Variants in ZFHX3 observed in about 807,000 individuals in gnomAD.
The protein encoded by ZFHX3 is zinc finger homeobox protein 3.
ZFHX3 carries 42 observed loss-of-function variants against 279.1 expected under a neutral mutation model. The observed-to-expected ratio is 0.15, with a 90% CI of 0.12 to 0.19. ZFHX3 has a LOEUF of 0.19. ZFHX3 is among the 10% of genes least tolerant of loss of function. ZFHX3 has a pLI of 1.00. For missense variants in ZFHX3, 4,981 were observed against 4,754.0 expected (o/e 1.05, Z -1.40); for synonymous variants, 2,293 against 1,957.8 (o/e 1.17, Z -4.52).
chr16:73,701,583 A>G (rs1412713899), intron 1 of ZFHX3, among the ~76,000 whole-genome samples: 2 of 152,210 alleles, frequency 1.3e-5, no homozygotes, highest in Non-Finnish European at 2.9e-5. Context: ...GTATCTCACT[A>G]AAGTTCCTCT....
intron 2 of ZFHX3, among the ~76,000 whole-genome samples, chr16:73,587,508 C>T (rs548072298): frequency 6.6e-6 from 1 of 152,258 alleles, no homozygotes; most frequent in South Asian, 2.1e-4. Flanking sequence ...AAGCAACCCG[C>T]GTTGGCTGTT....
At chr16:73,735,901 T>TGTTTGTTTGTTTG (rs375304884) in intron 1 of ZFHX3, among the ~76,000 whole-genome samples, 114,145 of 145,874 alleles carry the variant, frequency 0.78, 45,492 homozygotes, top group Middle Eastern at 0.89. Context: ...GTTTTTTTTT[T>TGTTTGTTTGTTTG]TTTTTTTTTT....
rs775404633 is a variant in ZFHX3, at chr16:72,787,474, G to A, written c.10802C>T (p.Ser3601Leu). 61 of 1,595,948 alleles carry A rather than the reference G, an allele frequency of 3.8e-5. No individual in the cohort carries two copies. Among genetic ancestry groups the A allele is most frequent in the Non-Finnish European group, 8.5e-7 (1 of 1,169,966 alleles). The change falls in exon 10 of 10, where the codon TCG becomes TTG. Residue 3601 changes from serine (S) to leucine (L), a missense_variant. By Grantham distance (145) the Ser-to-Leu change is moderately radical. Around this residue, in one of 7 missense-constraint regions of ZFHX3, gnomAD observed 1,034 missense variants for 786.0 expected, o/e 1.32. Coordinates refer to ENST00000268489, the MANE Select transcript of ZFHX3 (RefSeq NM_006885.4). ...AHSNDSPPPP[S>L]AAAPSSASPH... The stretch of plus-strand genomic sequence containing the variant: ...GGAAGCGGAGGAGGGGGCGGCGGCC[G>A]ACGGGGGAGGGGGGCTGTCGTTTGA...
In ZFHX3 at chr16:73,178,422, A is replaced by G. The variant is rs912143144; in HGVS notation, c.-1103-34591T>C. Among the ~76,000 whole-genome samples, 28 of 152,226 alleles carry G rather than the reference A, an allele frequency of 1.8e-4. 1 individual carries two copies. The highest frequency in any genetic ancestry group is 1.2e-3 in the Admixed American group (19 of 15,292). ...CCAAAGTGCTGGGATCGCAGGCGTG[A>G]GCCACCGCGCCTGACCATAGATGAC... On this transcript the variant is annotated intron_variant, in intron 5 of 17. Coordinates refer to the ZFHX3 transcript ENST00000641206.
At chr16:72,900,930 G>A (rs1688537121) in intron 3 of ZFHX3, among the ~76,000 whole-genome samples, 1 of 152,196 alleles carries the variant, frequency 6.6e-6, no homozygotes, top group Non-Finnish European at 1.5e-5. Context: ...AAAAATCTCT[G>A]CACTTGGCTT....
At chr16:72,855,561 C>T (rs2037734814) in intron 4 of ZFHX3, among the ~76,000 whole-genome samples, 1 of 152,238 alleles carries the variant, frequency 6.6e-6, no homozygotes. Context: ...AGTATATCCT[C>T]TGAGCCAGCT....
intron 1 of ZFHX3, among the ~76,000 whole-genome samples, chr16:73,833,446 T>A (rs1479908652): frequency 6.6e-6 from 1 of 152,112 alleles, no homozygotes; most frequent in Non-Finnish European, 1.5e-5. Context: ...AAACTCACAG[T>A]CTTAATCAAC....
intron 3 of ZFHX3, among the ~76,000 whole-genome samples, chr16:73,444,002 C>T (rs1482166167): frequency 1.3e-5 from 2 of 152,174 alleles, no homozygotes; most frequent in African/African-American, 4.8e-5. Flanking sequence ...CCCAAGGAAC[C>T]ATCCCACCTT....
intron 4 of ZFHX3, among the ~76,000 whole-genome samples, chr16:73,295,210 G>A (rs371659163): frequency 2.4e-4 from 36 of 152,038 alleles, no homozygotes; most frequent in African/African-American, 8.4e-4. Flanking sequence ...GCAGGACTCC[G>A]TCTCAAAAGA....
chr16:73,786,860 C>T (rs948081594), intron 1 of ZFHX3, among the ~76,000 whole-genome samples: 4 of 152,194 alleles, frequency 2.6e-5, no homozygotes, highest in African/African-American at 9.7e-5. Flanking sequence ...TTCCCGTACC[C>T]ATACCCACAG....
intron 1 of ZFHX3, among the ~76,000 whole-genome samples, chr16:73,820,052 A>C (rs1360170377): frequency 6.6e-6 from 1 of 152,078 alleles, no homozygotes; most frequent in Non-Finnish European, 1.5e-5. Context: ...ATGTCTGACA[A>C]ATGCAACATG....
intron 2 of ZFHX3, among the ~76,000 whole-genome samples, chr16:73,475,608 T>A (rs940746837): frequency 2.0e-5 from 3 of 152,126 alleles, no homozygotes; most frequent in African/African-American, 7.2e-5. Flanking sequence ...AGTACTAAAG[T>A]TGCATTTTGT....
chr16:73,527,828 C>A (rs1343645821), intron 2 of ZFHX3, among the ~76,000 whole-genome samples: 2 of 152,168 alleles, frequency 1.3e-5, no homozygotes, highest in African/African-American at 4.8e-5. Context: ...ATCCTCCCTA[C>A]CCAAGCCTTG....
At position 72,934,438 on chromosome 16, in the gene ZFHX3, CAG is replaced by C. The variant is rs1026000869; in HGVS notation, c.3216+16029_3216+16030del. The stretch of plus-strand genomic sequence containing the variant: ...GCGAGACTCTCTCAAAAAAATAAAA[CAG>C]AGTAGTATCCACAAGTATGTGAGAA... On this transcript the variant is annotated intron_variant, in intron 3 of 9. Transcript: ENST00000268489. Among the ~76,000 whole-genome samples, 23 of 152,226 alleles carry C rather than the reference CAG, an allele frequency of 1.5e-4. 1 individual carries two copies. In the Middle Eastern group the frequency reaches 0.017, roughly 113 times the overall value.
intron 1 of ZFHX3, among the ~76,000 whole-genome samples, chr16:73,008,248 TA>T (rs1334691116): frequency 3.9e-5 from 6 of 152,330 alleles, no homozygotes; most frequent in African/African-American, 1.4e-4. Flanking sequence ...TAATAACCCA[TA>T]CATTTAGATA....
chr16:72,992,448 A>G (rs1190797608), intron 1 of ZFHX3, among the ~76,000 whole-genome samples: 1 of 152,168 alleles, frequency 6.6e-6, no homozygotes, highest in Non-Finnish European at 1.5e-5. Context: ...CTCTCCCTGT[A>G]AACGGATCTA....
intron 1 of ZFHX3, among the ~76,000 whole-genome samples, chr16:73,871,859 T>C (rs1425774343): frequency 6.6e-6 from 1 of 152,184 alleles, no homozygotes; most frequent in Non-Finnish European, 1.5e-5. Flanking sequence ...CAGAGCCACC[T>C]GAACTATATA....
intron 3 of ZFHX3, among the ~76,000 whole-genome samples, chr16:73,384,099 G>C (rs1472430554): frequency 6.6e-6 from 1 of 152,234 alleles, no homozygotes; most frequent in African/African-American, 2.4e-5. Context: ...CAACAACCAT[G>C]TGAATTCAAT....
chr16:73,666,925 T>C (rs1487980708), intron 2 of ZFHX3, among the ~76,000 whole-genome samples: 3 of 152,006 alleles, frequency 2.0e-5, no homozygotes, highest in Non-Finnish European at 4.4e-5. Flanking sequence ...ATCCACGTTA[T>C]TGAGTTTATC....
Sources: gnomAD v4.1 joint callset for allele counts (sites outside exome capture counted in the v4.1 genomes callset) on GRCh38, gnomAD v4.1.1 for gene constraint, gnomAD v4.1.1 regional missense constraint, MANE v1.5 for transcripts, NCBI Gene and HGNC (gene_info 2026-07-23, HGNC 2026-07-21) for gene names.